IARS2: variants seen among roughly 807,000 people sequenced by gnomAD.
The protein encoded by IARS2 is isoleucine--tRNA ligase, mitochondrial.
In IARS2, 56 loss-of-function variants were observed where a neutral mutation model predicts 126.3. That is an observed-to-expected ratio of 0.44 (90% CI 0.36 to 0.55). IARS2 has a LOEUF of 0.55. Ranked by LOEUF, IARS2 falls within the 20% of genes least tolerant of loss-of-function variation. The pLI is 0.00. For synonymous variants in IARS2, 407 were observed against 441.1 expected (o/e 0.92, Z 0.97); for missense variants, 1,127 against 1,245.9 (o/e 0.90, Z 1.44).
At chr1:220,112,301 A>AT (rs1656821068) in intron 11 of IARS2, among the ~76,000 whole-genome samples, 1 of 110,460 alleles carries the variant, frequency 9.1e-6, no homozygotes. Flanking sequence ...CGCCCGGCTA[A>AT]TTTTTTGTAT....
Position 220,136,886 on chromosome 1 carries a change from C to CT in IARS2, c.2025dup (p.Asp676Ter), listed in dbSNP as rs1463020557. 6.2e-6 allele frequency: 10 copies of CT among 1,608,228 alleles called. No individual in the cohort carries two copies. Among genetic ancestry groups the CT allele is most frequent in the Non-Finnish European group, 6.8e-6 (8 of 1,175,624 alleles). Reference sequence around the variant, plus strand: ...AAGTCTCTTGGGAATGTCATTCATCCTGATGTTGTCGTTAATGGAGGACAA... The same window carrying CT: ...AAGTCTCTTGGGAATGTCATTCATCCTTGATGTTGTCGTTAATGGAGGACAA... On this transcript the variant is annotated frameshift_variant, in exon 16 of 23. Transcript: ENST00000366922. LOFTEE classifies it high-confidence loss of function.
intron 12 of IARS2, among the ~76,000 whole-genome samples, chr1:220,120,444 G>A (rs535276852): frequency 6.6e-6 from 1 of 150,720 alleles, no homozygotes; most frequent in African/African-American, 2.4e-5. Context: ...GTGCAATCTC[G>A]GCTCACTGCA....
chr1:220,102,449 T>C (rs764539319), intron 5 of IARS2, 37 bp downstream of exon 5: 3 of 1,611,114 alleles, frequency 1.9e-6, no homozygotes, highest in Non-Finnish European at 2.5e-6. Context: ...AAGGGAGAAA[T>C]TTGTGAGGCT....
intron 22 of IARS2, among the ~76,000 whole-genome samples, chr1:220,146,495 G>A (rs1324384377): frequency 2.3e-5 from 3 of 128,586 alleles, no homozygotes; most frequent in Admixed American, 9.3e-5. Flanking sequence ...TCCAGCCTGG[G>A]CGACAGAGCG....
chr1:220,145,634 A>G lies in IARS2; in HGVS notation c.2877A>G (p.Lys959=), dbSNP rs188192523. ...CAGATGTAATCGAGCTTAAAGGGAAATTCCTCATCAACTTAGAAGGTAAGA... is the reference window on the plus strand; with the variant it reads ...CAGATGTAATCGAGCTTAAAGGGAAGTTCCTCATCAACTTAGAAGGTAAGA... ...MTADVIELKG[K]FLINLEGGDI... Residue 959 remains lysine (K), a synonymous_variant, in exon 22 of 23, where the codon AAA becomes AAG. Transcript: ENST00000366922. 7 of 1,612,938 alleles carry G rather than the reference A, an allele frequency of 4.3e-6. No individual in the cohort carries two copies. In the Admixed American group the frequency reaches 6.7e-5, roughly 15 times the overall value.
chr1:220,145,413 C>T (rs1441430971), intron 21 of IARS2, 96 bp from the exon 22 acceptor site: 1 of 1,126,840 alleles, frequency 8.9e-7, no homozygotes, highest in Admixed American at 2.7e-5. Context: ...CAGAAGGTTC[C>T]TCTCTAAACG....
In IARS2 at chr1:220,096,084, CTT is replaced by C. The variant is rs376359534; in HGVS notation, c.268-9_268-8del. The C allele has an allele frequency of 2.3e-4, 231 of 1,001,112 alleles. No homozygotes were observed. Among genetic ancestry groups the C allele is most frequent in the South Asian group, 4.0e-4 (23 of 58,148 alleles). 62.0% of individuals were successfully genotyped at this position (1,001,112 alleles called of 1,614,324 possible). On this transcript the variant is annotated intron_variant, in intron 1 of 22. Coordinates refer to ENST00000366922, the MANE Select transcript of IARS2 (RefSeq NM_018060.4). Reference sequence around the variant, plus strand: ...ATGTATTTATATGATGTTTAGATATCTTTTTTTTTTTTAAAACAGAAATGTGG... The same window carrying C: ...ATGTATTTATATGATGTTTAGATATCTTTTTTTTTTAAAACAGAAATGTGG...
At position 220,102,367 on chromosome 1, in the gene IARS2, T is replaced by C. The variant is rs751613884; in HGVS notation, c.704T>C (p.Leu235Ser). ...TCATATTTTTGTCTTTTATAGGGCT[T>C]GGTTTATCGATCTTACAAACCTGTG... ...RTFYQMYDKG[L>S]VYRSYKPVFW... is the part of the protein sequence containing the mutation. Residue 235 changes from leucine to serine, a missense_variant, in exon 5 of 23, where the codon TTG becomes TCG. By Grantham distance (145) the Leu-to-Ser change is moderately radical (BLOSUM62 -2). Transcript: ENST00000366922. 1.2e-6 allele frequency: 2 copies of C among 1,613,812 alleles called. No homozygotes were observed. Among genetic ancestry groups the C allele is most frequent in the South Asian group, 2.2e-5 (2 of 90,980 alleles).
At chr1:220,134,897 A>G (rs1278219770) in intron 15 of IARS2, 1 of 153,350 alleles carries the variant, frequency 6.5e-6, no homozygotes, top group African/African-American at 2.4e-5. Context: ...CCTCCTGAGT[A>G]GCTGGGATTA....
chr1:220,122,380 C>T (rs1253545987), intron 12 of IARS2, among the ~76,000 whole-genome samples: 1 of 152,148 alleles, frequency 6.6e-6, no homozygotes, highest in Non-Finnish European at 1.5e-5. Flanking sequence ...ATCTCTGATA[C>T]GTAGTCTTCA....
chr1:220,109,005 G>A (rs1006108293), intron 10 of IARS2, among the ~76,000 whole-genome samples: 7 of 151,892 alleles, frequency 4.6e-5, no homozygotes, highest in African/African-American at 9.7e-5. Context: ...AGGACAGTAC[G>A]TTTTAAGCCA....
chr1:220,094,985 T>G (rs1656407944), intron 1 of IARS2, among the ~76,000 whole-genome samples: 1 of 151,010 alleles, frequency 6.6e-6, no homozygotes, highest in South Asian at 2.1e-4. Context: ...AAAAAAACCT[T>G]AAAAACCTCA....
At chr1:220,094,763 A>G (rs1327631071) in intron 1 of IARS2, among the ~76,000 whole-genome samples, 2 of 152,220 alleles carry the variant, frequency 1.3e-5, no homozygotes, top group Admixed American at 6.5e-5. Context: ...CGTATGTCCC[A>G]TGTCTACCGT....
At chr1:220,117,277 C>T (rs993292156) in intron 12 of IARS2, among the ~76,000 whole-genome samples, 5 of 149,246 alleles carry the variant, frequency 3.4e-5, no homozygotes, top group Admixed American at 6.7e-5. Context: ...CTGCAATCTC[C>T]GCCTCCCAGG....
Position 220,094,255 on chromosome 1 carries a change from C to A in IARS2, c.39C>A (p.Ala13=), listed in dbSNP as rs1368669414. Residue 13 remains alanine (A), a synonymous_variant, in exon 1 of 23, where the codon GCC becomes GCA. Coordinates refer to ENST00000366922, the MANE Select transcript of IARS2 (RefSeq NM_018060.4). The stretch of plus-strand genomic sequence containing the variant: ...TGCGCCCTCGCGGGCCGGGCGCGGC[C>A]GCCCTGGCCACTGCCCGAAGTTTGT... The part of the protein sequence containing the change: ...WGLRPRGPGA[A]ALATARSLWG... The A allele has an allele frequency of 6.2e-7, 1 of 1,600,978 alleles. No homozygotes were observed. Among genetic ancestry groups the A allele is most frequent in the South Asian group, 1.1e-5 (1 of 90,142 alleles).
chr1:220,108,933 A>G (rs1656744056), intron 10 of IARS2, among the ~76,000 whole-genome samples: 1 of 138,240 alleles, frequency 7.2e-6, no homozygotes, highest in African/African-American at 2.8e-5. Context: ...AATATTCAGT[A>G]TCAAAGCAGG....
intron 12 of IARS2, among the ~76,000 whole-genome samples, chr1:220,119,899 T>G (rs1354586692): frequency 6.6e-6 from 1 of 152,166 alleles, no homozygotes; most frequent in Non-Finnish European, 1.5e-5. Context: ...ATCTCTATAA[T>G]GAGTGTCTTT....
intron 22 of IARS2, among the ~76,000 whole-genome samples, chr1:220,145,874 G>A (rs1032755445): frequency 6.6e-6 from 1 of 152,194 alleles, no homozygotes; most frequent in African/African-American, 2.4e-5. Context: ...AGAAGAGGGA[G>A]AGAGATTTTC....
In IARS2 at chr1:220,114,319, G is replaced by T; in HGVS notation, c.1485G>T (p.Leu495Phe). ...ITDIKTAAKE[L>F]LKKVKFIPGS... The stretch of plus-strand genomic sequence containing the variant: ...GATTTATGAATTAATTGCAGGAATT[G>T]TTAAAAAAGGTGAAATTTATTCCTG... The change falls in exon 12 of 23, where the codon TTG (leucine) becomes TTT (phenylalanine). Residue 495 changes from leucine (L) to phenylalanine (F), a missense_variant. Coordinates refer to ENST00000366922, the MANE Select transcript of IARS2 (RefSeq NM_018060.4). The T allele has an allele frequency of 6.2e-7, 1 of 1,613,128 alleles. No individual in the cohort carries two copies. Among genetic ancestry groups the T allele is most frequent in the Non-Finnish European group, 8.5e-7 (1 of 1,179,106 alleles).
Sources: allele counts gnomAD v4.1 joint callset (sites outside exome capture counted in the v4.1 genomes callset), GRCh38; gene constraint gnomAD v4.1.1; transcripts MANE v1.5; gene names NCBI Gene and HGNC (gene_info 2026-07-23, HGNC 2026-07-21).